Variants in NAV1 observed in about 807,000 individuals in gnomAD.
NAV1 encodes the protein pore membrane and/or filament interacting like protein 3.
Under a neutral mutation model 175.2 loss-of-function variants are expected in NAV1, and 18 were observed. The ratio of observed to expected loss-of-function variants is 0.10; its 90% CI spans 0.07 to 0.15. NAV1 has a LOEUF of 0.15. Ranked by LOEUF, NAV1 falls within the 10% of genes least tolerant of loss-of-function variation. The probability of loss-of-function intolerance (pLI) is 1.00; values close to 1 mark genes in which losing one functional copy is unlikely to be tolerated. For missense variants in NAV1, 1,731 were observed against 2,436.6 expected (o/e 0.71, Z 6.10); for synonymous variants, 897 against 978.7 (o/e 0.92, Z 1.56).
intron 2 of NAV1, among the ~76,000 whole-genome samples, chr1:201,606,813 A>G (rs1333010158): frequency 6.6e-6 from 1 of 152,248 alleles, no homozygotes; most frequent in Non-Finnish European, 1.5e-5. Flanking sequence ...GAGCAAGGCC[A>G]TTTAGATGCA....
rs554887351 is a variant in NAV1, at chr1:201,797,628, A to T, written c.3517+3051A>T. 7 of 152,326 alleles carry T rather than the reference A, an allele frequency of 4.6e-5. No individual in the cohort carries two copies. In the South Asian group the frequency reaches 1.4e-3, roughly 32 times the overall value. The allele number at this position is 152,326 out of a possible 1,614,324, so 9.4% of individuals were successfully genotyped here. A position where few individuals can be genotyped will look rare whatever the true frequency, so the allele number is the denominator to read the frequency against. On this transcript the variant is annotated intron_variant, in intron 15 of 29. Coordinates refer to ENST00000367296, the Ensembl canonical transcript of NAV1. ...CCTCTTAACAATGTTAAGTCTTCCAATCCATGAACAGGCATGCCTTTATCT... is the reference window on the plus strand; with the variant it reads ...CCTCTTAACAATGTTAAGTCTTCCATTCCATGAACAGGCATGCCTTTATCT...
chr1:201,734,986 G>A (rs528651311), intron 3 of NAV1, among the ~76,000 whole-genome samples: 1 of 152,120 alleles, frequency 6.6e-6, no homozygotes, highest in Non-Finnish European at 1.5e-5. Context: ...TCTCCTCGAA[G>A]GTTATATAAA....
chr1:201,666,092 A>C (rs1669812619), intron 1 of NAV1, among the ~76,000 whole-genome samples: 1 of 152,052 alleles, frequency 6.6e-6, no homozygotes, highest in Non-Finnish European at 1.5e-5. Context: ...GGGTTGCCAG[A>C]GGGAATGAGC....
intron 3 of NAV1, among the ~76,000 whole-genome samples, chr1:201,744,009 C>T (rs149473853): frequency 0.036 from 5,542 of 152,114 alleles, 333 homozygotes; most frequent in African/African-American, 0.12. Context: ...CTCAGCCTCC[C>T]GAGTAGCTGG....
intron 2 of NAV1, 173 bp downstream of exon 4, chr1:201,629,680 C>T: frequency 2.7e-6 from 1 of 364,488 alleles, no homozygotes; most frequent in Middle Eastern, 4.0e-4. Context: ...CAGGGTTGGT[C>T]CATCAAACCC....
intron 3 of NAV1, among the ~76,000 whole-genome samples, chr1:201,729,629 A>C (rs1473838869): frequency 1.3e-5 from 2 of 152,012 alleles, no homozygotes; most frequent in East Asian, 3.9e-4. Flanking sequence ...CTTGGTGGCC[A>C]GGTGCGGTGG....
At chr1:201,558,230 C>T (rs1316717695) in intron 1 of NAV1, among the ~76,000 whole-genome samples, 4 of 152,168 alleles carry the variant, frequency 2.6e-5, no homozygotes, top group African/African-American at 9.7e-5. Context: ...AATGGTCACT[C>T]CATAACCCAG....
intron 1 of NAV1, among the ~76,000 whole-genome samples, chr1:201,551,748 C>A (rs192881408): frequency 3.3e-5 from 5 of 152,134 alleles, no homozygotes; most frequent in African/African-American, 1.2e-4. Context: ...AAAAGTGTTA[C>A]GTTTTGAGGT....
rs1276700329 is a variant in NAV1, at chr1:201,562,458, C to G, written c.-144+23116C>G. Among the ~76,000 whole-genome samples, 5 of 152,152 alleles carry G rather than the reference C, an allele frequency of 3.3e-5. No homozygotes were observed. The East Asian group carries it at 9.6e-4, about 29-fold the overall frequency. ...CGAAGGTCTGGAAGGCTTCAGATTC[C>G]AGGCCCCATGACTCACTCCTCCATC... On this transcript the variant is annotated intron_variant, in intron 1 of 33. Transcript: ENST00000685211.
Position 201,642,370 on chromosome 1 carries a change from A to G in NAV1, c.5-6264A>G, listed in dbSNP as rs1393042785. On this transcript the variant is annotated intron_variant, in intron 2 of 29. Coordinates refer to the NAV1 transcript ENST00000367302. ...TGGGACTACAGTCGCCCGCCACCAC[A>G]CCCAGCTAATTTTTTGTTTGTTTGT... Among the ~76,000 whole-genome samples, 3 of 150,136 alleles carry G rather than the reference A, an allele frequency of 2.0e-5. No homozygotes were observed. In the East Asian group the frequency reaches 5.9e-4, roughly 30 times the overall value.
intron 1 of NAV1, among the ~76,000 whole-genome samples, chr1:201,569,070 T>C (rs1666453949): frequency 6.6e-6 from 1 of 152,124 alleles, no homozygotes; most frequent in South Asian, 2.1e-4. Context: ...TCCTTCCTGC[T>C]CTGGGCAAAC....
At chr1:201,802,451 T>C (rs1677979041) in intron 15 of NAV1, among the ~76,000 whole-genome samples, 3 of 82,500 alleles carry the variant, frequency 3.6e-5, no homozygotes, top group Non-Finnish European at 7.4e-5. Flanking sequence ...CAAGACCCTG[T>C]CTCATTAAAA....
In NAV1 at chr1:201,557,079, T is replaced by C. The variant is rs568141826; in HGVS notation, c.-144+17737T>C. Among the ~76,000 whole-genome samples, 156 of 150,952 alleles carry C rather than the reference T, an allele frequency of 1.0e-3. 1 individual carries two copies. The highest frequency in any genetic ancestry group is 3.7e-3 in the African/African-American group (150 of 40,984). ...AGATGAAAATGATCTACTGTTTCTC[T>C]TAGGAAGCCCTAGGGAAGTCCAGTT... On this transcript the variant is annotated intron_variant, in intron 1 of 33. Coordinates refer to the NAV1 transcript ENST00000685211.
intron 3 of NAV1, among the ~76,000 whole-genome samples, chr1:201,777,449 T>C (rs1414179779): frequency 1.3e-5 from 2 of 152,184 alleles, no homozygotes; most frequent in Non-Finnish European, 2.9e-5. Context: ...TATTAGAGCA[T>C]GTACTATTTC....
At chr1:201,765,415 G>C (rs539034) in intron 3 of NAV1, among the ~76,000 whole-genome samples, 1 of 107,568 alleles carries the variant, frequency 9.3e-6, no homozygotes, top group Non-Finnish European at 1.7e-5. Flanking sequence ...TTTTTTTTGA[G>C]ACAGACTCTT....
At chr1:201,675,755 C>G (rs759040497) in intron 1 of NAV1, among the ~76,000 whole-genome samples, 29 of 152,182 alleles carry the variant, frequency 1.9e-4, no homozygotes, top group Non-Finnish European at 3.8e-4. Context: ...AACTCATGTT[C>G]TCCCTCCACT....
chr1:201,772,562 C>A (rs989976962), intron 3 of NAV1, among the ~76,000 whole-genome samples: 1 of 152,194 alleles, frequency 6.6e-6, no homozygotes, highest in African/African-American at 2.4e-5. Flanking sequence ...AGTCATATTT[C>A]TGGATTTTAT....
chr1:201,676,668 TC>T (rs1441492466), intron 1 of NAV1, among the ~76,000 whole-genome samples: 1 of 152,158 alleles, frequency 6.6e-6, no homozygotes, highest in African/African-American at 2.4e-5. Context: ...GTGAACACAA[TC>T]TTTCAGAAGC....
In NAV1 at chr1:201,718,528, G is replaced by A; in HGVS notation, c.999G>A (p.Val333=). ...TGCAGGCTGGTGACGCGCCCTCTGT[G>A]GGTGGGAGCTGCCGCTCGGAGGGGA... The change falls in exon 3 of 30, where the codon GTG becomes GTA. Residue 333 remains valine (V), a synonymous_variant. Coordinates refer to ENST00000367296, the Ensembl canonical transcript of NAV1. This position sits in a 1 kb window ranked among gnomAD's most constrained non-coding sequence, Gnocchi z 4.8. The A allele has an allele frequency of 6.2e-7, 1 of 1,612,064 alleles. No homozygotes were observed. The highest frequency in any genetic ancestry group is 8.5e-7 in the Non-Finnish European group (1 of 1,178,888).
Sources: gnomAD v4.1 joint callset for allele counts (sites outside exome capture counted in the v4.1 genomes callset) on GRCh38, gnomAD v4.1.1 for gene constraint, Gnocchi (gnomAD v3.1) non-coding constraint, MANE v1.5 for transcripts, NCBI Gene and HGNC (gene_info 2026-07-23, HGNC 2026-07-21) for gene names.